The following CSGALNACT1 variants were observed in gnomAD, a reference collection of about 807,000 sequenced individuals.
CSGALNACT1 encodes the protein beta4GalNAcT-1.
CSGALNACT1 carries 52 observed loss-of-function variants against 51.0 expected under a neutral mutation model. The ratio of observed to expected loss-of-function variants is 1.02; its 90% confidence interval spans 0.82 to 1.29. The LOEUF (loss-of-function observed/expected upper bound fraction) is 1.29. Among genes scored for constraint, CSGALNACT1 ranks in the 50% most tolerant of loss-of-function variants. The probability of loss-of-function intolerance (pLI) is 0.00; values close to 1 mark genes in which losing one functional copy is unlikely to be tolerated. For missense variants in CSGALNACT1, 935 were observed against 679.2 expected, an observed-to-expected ratio of 1.38 and a Z score of -4.19; for synonymous variants, 341 against 254.4, an observed-to-expected ratio of 1.34 and a Z score of -3.24.
intron 6 of CSGALNACT1, among the ~76,000 whole-genome samples, chr8:19,438,587 T>C (rs890361672): frequency 1.3e-5 from 2 of 152,238 alleles, no homozygotes; most frequent in African/African-American, 4.8e-5. Flanking sequence ...GCACAATTTG[T>C]CTGTAAAGAG....
intron 2 of CSGALNACT1, among the ~76,000 whole-genome samples, chr8:19,598,083 G>C (rs934767272): frequency 1.3e-5 from 2 of 152,190 alleles, no homozygotes; most frequent in African/African-American, 4.8e-5. Context: ...GCAGATATGG[G>C]ACAGCAGAAT....
chr8:19,671,788 T>C (rs2059812153), intron 1 of CSGALNACT1, among the ~76,000 whole-genome samples: 1 of 152,144 alleles, frequency 6.6e-6, no homozygotes, highest in South Asian at 2.1e-4. Context: ...AAATTGAGAA[T>C]ATAGATTTAC....
intron 1 of CSGALNACT1, among the ~76,000 whole-genome samples, chr8:19,697,736 T>G (rs1428132115): frequency 6.6e-6 from 1 of 152,022 alleles, no homozygotes; most frequent in Non-Finnish European, 1.5e-5. Flanking sequence ...ACATGTGGAC[T>G]TGAAGGAGCT....
At chr8:19,585,525 G>C (rs1211981826) in intron 3 of CSGALNACT1, among the ~76,000 whole-genome samples, 1 of 152,182 alleles carries the variant, frequency 6.6e-6, no homozygotes, top group East Asian at 1.9e-4. Context: ...CTTGGATGTT[G>C]TCATTTGAGC....
chr8:19,658,661 G>A (rs1387149688), intron 1 of CSGALNACT1, among the ~76,000 whole-genome samples: 4 of 152,082 alleles, frequency 2.6e-5, no homozygotes, highest in African/African-American at 9.7e-5. Flanking sequence ...TTGAACCTGG[G>A]GGGCAGAGGT....
At chr8:19,712,934 T>A (rs766671635) in intron 1 of CSGALNACT1, among the ~76,000 whole-genome samples, 9 of 152,152 alleles carry the variant, frequency 5.9e-5, no homozygotes, top group African/African-American at 9.7e-5. Context: ...TGCAGAACAT[T>A]CTAAAACATC....
At position 19,658,277 on chromosome 8, in the gene CSGALNACT1, C is replaced by G. The variant is rs138662940; in HGVS notation, c.-544+24196G>C. ...CCCCAAGAGGAACCAAATAAGCTAG[C>G]ACCTTGATCTTGGACTTCCCAACCC... On this transcript the variant is annotated intron_variant, in intron 1 of 9. Transcript: ENST00000332246. Among the ~76,000 whole-genome samples, 20 of 152,210 alleles carry G rather than the reference C, an allele frequency of 1.3e-4. 1 individual carries two copies. The highest frequency in any genetic ancestry group is 4.8e-4 in the African/African-American group (20 of 41,536).
chr8:19,736,768 A>G (rs962564143), intron 1 of CSGALNACT1, among the ~76,000 whole-genome samples: 1 of 152,204 alleles, frequency 6.6e-6, no homozygotes, highest in Non-Finnish European at 1.5e-5. Context: ...TAAGGAACAG[A>G]GAGGAACTCT....
chr8:19,536,848 A>G (rs2083853333), intron 3 of CSGALNACT1, among the ~76,000 whole-genome samples: 2 of 152,234 alleles, frequency 1.3e-5, no homozygotes, highest in African/African-American at 2.4e-5. Flanking sequence ...GAACCCAGAA[A>G]TAGGTACAAC....
At chr8:19,672,578 A>G (rs2154198761) in intron 1 of CSGALNACT1, among the ~76,000 whole-genome samples, 1 of 152,370 alleles carries the variant, frequency 6.6e-6, no homozygotes, top group Non-Finnish European at 1.5e-5. Flanking sequence ...ATAAATGCTT[A>G]ATAGCAGAAA....
intron 4 of CSGALNACT1, among the ~76,000 whole-genome samples, chr8:19,458,863 T>A (rs1018849943): frequency 4.6e-5 from 7 of 152,000 alleles, no homozygotes; most frequent in African/African-American, 1.7e-4. Context: ...CATAAAAACA[T>A]GGGAAAAAGC....
intron 6 of CSGALNACT1, among the ~76,000 whole-genome samples, chr8:19,433,235 T>A (rs1246669069): frequency 6.6e-6 from 1 of 152,184 alleles, no homozygotes; most frequent in African/African-American, 2.4e-5. Context: ...GGGATTCTGT[T>A]TGCATATTGG....
intron 1 of CSGALNACT1, among the ~76,000 whole-genome samples, chr8:19,733,560 C>G (rs2063802344): frequency 6.6e-6 from 1 of 152,192 alleles, no homozygotes; most frequent in Middle Eastern, 3.2e-3. Flanking sequence ...CGCTCACCTC[C>G]TCCACAACTG....
At chr8:19,621,727 G>C (rs566077863) in intron 1 of CSGALNACT1, among the ~76,000 whole-genome samples, 95 of 152,250 alleles carry the variant, frequency 6.2e-4, no homozygotes, top group African/African-American at 2.0e-3. Context: ...GCTGCAGTGA[G>C]CCATGATCAC....
chr8:19,579,352 C>T (rs2045043044), intron 3 of CSGALNACT1, among the ~76,000 whole-genome samples: 1 of 152,190 alleles, frequency 6.6e-6, no homozygotes, highest in African/African-American at 2.4e-5. Context: ...GGGTCTGCAG[C>T]ACATGTGCTG....
At chr8:19,750,859 G>C (rs547184239) in intron 1 of CSGALNACT1, among the ~76,000 whole-genome samples, 2 of 152,132 alleles carry the variant, frequency 1.3e-5, no homozygotes, top group South Asian at 2.1e-4. Flanking sequence ...CCACACACTC[G>C]ATCTTATTCA....
At position 19,433,313 on chromosome 8, in the gene CSGALNACT1, G is replaced by A. The variant is rs151155125; in HGVS notation, c.953+6517C>T. 7.4e-4 allele frequency among the ~76,000 whole-genome samples: 112 copies of A among 152,294 alleles called. 2 individuals carry two copies. In the East Asian group the frequency reaches 0.018, roughly 24 times the overall value. ...ATCCTTTACTTCTTGCTTCCACAGA[G>A]CCTGAAGGTCAGCCACAAGTGGGAG... On this transcript the variant is annotated intron_variant, in intron 6 of 9. Transcript: ENST00000454498.
intron 8 of CSGALNACT1, 49 bp downstream of exon 7, chr8:19,418,604 TGAC>T (rs2057337153): frequency 8.5e-7 from 1 of 1,179,128 alleles, no homozygotes; most frequent in African/African-American, 1.5e-5. Flanking sequence ...CCCCTGGTAA[TGAC>T]AGACACTAAA....
chr8:19,640,297 T>A (rs2056590013), intron 1 of CSGALNACT1, among the ~76,000 whole-genome samples: 1 of 152,194 alleles, frequency 6.6e-6, no homozygotes, highest in African/African-American at 2.4e-5. Flanking sequence ...TACACATGTA[T>A]GGAAAATGAC....
Sources: allele counts gnomAD v4.1 joint callset (sites outside exome capture counted in the v4.1 genomes callset), GRCh38; gene constraint gnomAD v4.1.1; transcripts MANE v1.5; gene names NCBI Gene and HGNC (gene_info 2026-07-23, HGNC 2026-07-21).